Variants in EVI5 observed in about 807,000 individuals in gnomAD.
EVI5 encodes the protein ecotropic viral integration site 5.
A neutral mutation model predicts 112.0 loss-of-function variants in EVI5; 73 were observed. The observed-to-expected ratio is 0.65, with a 90% CI of 0.54 to 0.79. EVI5 has a LOEUF of 0.79. EVI5 is among the 30% of genes least tolerant of loss of function. EVI5 has a pLI of 0.00. For missense variants in EVI5, 900 were observed against 968.8 expected, an observed-to-expected ratio of 0.93 and a Z score of 0.94; for synonymous variants, 305 against 319.9, an observed-to-expected ratio of 0.95 and a Z score of 0.50.
At chr1:92,567,442 T>C (rs1403170177) in intron 18 of EVI5, among the ~76,000 whole-genome samples, 2 of 152,228 alleles carry the variant, frequency 1.3e-5, no homozygotes, top group African/African-American at 4.8e-5. Context: ...GCTCCATTCA[T>C]GGTACCATGC....
intron 19 of EVI5, among the ~76,000 whole-genome samples, chr1:92,562,092 T>C (rs1027234476): frequency 4.6e-5 from 7 of 152,180 alleles, no homozygotes; most frequent in Non-Finnish European, 8.8e-5. Flanking sequence ...AAATTTTAAA[T>C]GGGAGGTTGC....
chr1:92,678,744 C>T (rs1667135007), intron 9 of EVI5, among the ~76,000 whole-genome samples: 1 of 152,068 alleles, frequency 6.6e-6, no homozygotes, highest in Non-Finnish European at 1.5e-5. Context: ...ACCAAGGTTA[C>T]TCCAAATATA....
intron 1 of EVI5, among the ~76,000 whole-genome samples, chr1:92,755,532 G>A (rs1038700661): frequency 3.3e-5 from 5 of 152,162 alleles, no homozygotes; most frequent in Non-Finnish European, 7.3e-5. Flanking sequence ...TGTTTAGAAC[G>A]ACTATTTGGA....
chr1:92,531,963 T>C (rs1247078623), intron 19 of EVI5, among the ~76,000 whole-genome samples: 2 of 152,176 alleles, frequency 1.3e-5, no homozygotes, highest in African/African-American at 4.8e-5. Flanking sequence ...ATAAATGGGC[T>C]AAATGCCCCA....
At chr1:92,587,684 G>A (rs1673038374) in intron 18 of EVI5, among the ~76,000 whole-genome samples, 2 of 152,138 alleles carry the variant, frequency 1.3e-5, no homozygotes, top group African/African-American at 2.4e-5. Flanking sequence ...TTGCCCATCT[G>A]AGGCATCCCT....
intron 16 of EVI5, among the ~76,000 whole-genome samples, chr1:92,613,473 A>G (rs768318012): frequency 6.6e-6 from 1 of 151,830 alleles, no homozygotes; most frequent in Non-Finnish European, 1.5e-5. Flanking sequence ...TAATTTTTGT[A>G]TTTTTAGTAG....
rs1005560980 is a variant in EVI5 at position 92,513,613 on chromosome 1, A to G, written c.*43T>C. On this transcript the variant is annotated 3_prime_UTR_variant, in exon 20 of 20. Transcript: ENST00000684568. The stretch of plus-strand genomic sequence containing the variant: ...TCCAAAAAGCCCTAATCATATGATA[A>G]CTGATCCCTTAAATAAATCCATAGT... 1.8e-5 allele frequency: 24 copies of G among 1,321,318 alleles called. No homozygotes were observed. The East Asian group carries it at 5.7e-4, about 31-fold the overall frequency. The allele number at this position is 1,321,318 out of a possible 1,614,324, so 81.8% of individuals were successfully genotyped here. A position where few individuals can be genotyped will look rare whatever the true frequency, so the allele number is the denominator to read the frequency against.
intron 9 of EVI5, among the ~76,000 whole-genome samples, chr1:92,692,299 A>G (rs1669612316): frequency 6.6e-6 from 1 of 152,248 alleles, no homozygotes; most frequent in African/African-American, 2.4e-5. Context: ...CTCATTCTCT[A>G]TCAGACTTTT....
chr1:92,566,876 G>A (rs555675577), intron 18 of EVI5, among the ~76,000 whole-genome samples: 1 of 142,948 alleles, frequency 7.0e-6, no homozygotes, highest in South Asian at 2.2e-4. Context: ...GCACAATCTC[G>A]GCTCACTGCA....
rs184369972 is a variant in EVI5 at position 92,616,248 on chromosome 1, T to C, written c.1827+7928A>G. Among the ~76,000 whole-genome samples, 687 of 152,232 alleles carry C rather than the reference T, an allele frequency of 4.5e-3. 11 individuals carry two copies. Among genetic ancestry groups the C allele is most frequent in the African/African-American group, 0.016 (649 of 41,532 alleles). On this transcript the variant is annotated intron_variant, in intron 16 of 19. Transcript: ENST00000684568. ...TACTCTTGACCAATGCCTTTTGAAA[T>C]AGATTTGTGAGGGCAGCACCTGCAT...
intron 1 of EVI5, among the ~76,000 whole-genome samples, chr1:92,782,342 G>C (rs1348334174): frequency 4.0e-5 from 6 of 150,414 alleles, no homozygotes; most frequent in Admixed American, 4.0e-4. Context: ...GACTGAAAAG[G>C]CAAAATACAG....
At chr1:92,645,193 T>C (rs1212903643) in intron 13 of EVI5, among the ~76,000 whole-genome samples, 11 of 152,202 alleles carry the variant, frequency 7.2e-5, no homozygotes, top group Admixed American at 5.2e-4. Context: ...CCTAAACACA[T>C]ACAATCTTAA....
At chr1:92,756,372 T>C (rs1461280110) in intron 1 of EVI5, 4 of 524,306 alleles carry the variant, frequency 7.6e-6, no homozygotes, top group Non-Finnish European at 1.5e-5. Flanking sequence ...TTCCTGGAAG[T>C]ACTGTTGCAA....
exon 1 of EVI5, chr1:92,792,399 A>G: frequency 1.2e-6 from 2 of 1,608,290 alleles, no homozygotes; most frequent in Non-Finnish European, 1.7e-6. Flanking sequence ...AACCATGATA[A>G]GCAGAGAAGA....
intron 9 of EVI5, among the ~76,000 whole-genome samples, chr1:92,681,896 C>A (rs1667650109): frequency 1.3e-5 from 2 of 152,122 alleles, no homozygotes; most frequent in African/African-American, 4.8e-5. Flanking sequence ...GCTCTAAATA[C>A]CCCTAGCACC....
chr1:92,646,239 C>CAA (rs139054063), intron 13 of EVI5, among the ~76,000 whole-genome samples: 1 of 151,774 alleles, frequency 6.6e-6, no homozygotes, highest in Non-Finnish European at 1.5e-5. Context: ...TCTAAACATA[C>CAA]AAAAAAAACC....
At chr1:92,748,119 C>T (rs1290891405) in intron 1 of EVI5, among the ~76,000 whole-genome samples, 1 of 152,164 alleles carries the variant, frequency 6.6e-6, no homozygotes, top group Non-Finnish European at 1.5e-5. Flanking sequence ...CTCACATCTT[C>T]CCATAGAGTG....
intron 2 of EVI5, among the ~76,000 whole-genome samples, chr1:92,711,164 T>C (rs1570512841): frequency 6.6e-6 from 1 of 152,296 alleles, no homozygotes; most frequent in East Asian, 1.9e-4. Context: ...GGGAAAAGAA[T>C]GAGTTCTCTT....
rs79199523 is a variant in EVI5, at chr1:92,658,520, C to T, written c.1392+4199G>A. ...TTTAAATACCTGGGAATACTGTTAA[C>T]CAAGGAGGTGGAAGATCTTTACAAG... On this transcript the variant is annotated intron_variant, in intron 13 of 19. Transcript: ENST00000684568. 3.4e-4 allele frequency among the ~76,000 whole-genome samples: 51 copies of T among 152,102 alleles called. No individual in the cohort carries two copies. The East Asian group carries it at 5.6e-3, about 17-fold the overall frequency.
Sources: allele counts gnomAD v4.1 joint callset (sites outside exome capture counted in the v4.1 genomes callset), GRCh38; gene constraint gnomAD v4.1.1; transcripts MANE v1.5; gene names NCBI Gene and HGNC (gene_info 2026-07-23, HGNC 2026-07-21).